TSSK6: variants seen among roughly 807,000 people sequenced by gnomAD.
TSSK6 encodes the protein testis-specific serine/threonine-protein kinase 6.
A neutral mutation model predicts 8.5 loss-of-function variants in TSSK6; 9 were observed. The observed-to-expected ratio is 1.06, with a 90% CI of 0.64 to 1.85. TSSK6 has a LOEUF of 1.85. TSSK6 is among the 40% of genes most tolerant of loss of function. TSSK6 has a pLI of 0.00. For missense variants in TSSK6, 311 were observed against 391.5 expected (o/e 0.79, Z 1.73); for synonymous variants, 202 against 182.4 (o/e 1.11, Z -0.86).
Position 19,514,395 on chromosome 19 carries a change from C to T in TSSK6, c.*211G>A. ...CAGGGAATCGCGGATGCGCATGCGCCTCCAGCTCCCGGGATCGCGGGGAAC... is the reference window on the plus strand; with the variant it reads ...CAGGGAATCGCGGATGCGCATGCGCTTCCAGCTCCCGGGATCGCGGGGAAC... On this transcript the variant is annotated 3_prime_UTR_variant, in exon 1 of 1. Transcript: ENST00000585580. 1 of 594,446 alleles carries T rather than the reference C, an allele frequency of 1.7e-6. No homozygotes were observed. The highest frequency in any genetic ancestry group is 2.9e-6 in the Non-Finnish European group (1 of 342,048). 36.8% of individuals were successfully genotyped at this position (594,446 alleles called of 1,614,324 possible). A position where few individuals can be genotyped will look rare whatever the true frequency, so the allele number is the denominator to read the frequency against.
In TSSK6 at chr19:19,515,426, ATGG is replaced by A; in HGVS notation, c.-2_1del. 1.9e-6 allele frequency: 3 copies of A among 1,584,732 alleles called. No individual in the cohort carries two copies. The highest frequency in any genetic ancestry group is 2.6e-6 in the Non-Finnish European group (3 of 1,161,014). On this transcript the variant is annotated start_lost and start_retained_variant and 5_prime_UTR_variant, in exon 1 of 1. Transcript: ENST00000585580. ...TTCGCTCAGAAGTTTGTCTCCCGAC[ATGG>A]TGGCGCCTAGGGCGCACGGGGGGCA...
chr19:19,514,506 A>C lies in TSSK6; in HGVS notation c.*100T>G. On this transcript the variant is annotated 3_prime_UTR_variant, in exon 1 of 1. Coordinates refer to ENST00000585580, the MANE Select transcript of TSSK6 (RefSeq NM_032037.4). Reference sequence around the variant, plus strand: ...AGGGAAAAAGCGCATGTGCAGCAGCACGCGGCAGCTTCGCATATTCCCTCG... The same window carrying C: ...AGGGAAAAAGCGCATGTGCAGCAGCCCGCGGCAGCTTCGCATATTCCCTCG... 2 of 1,136,798 alleles carry C rather than the reference A, an allele frequency of 1.8e-6. No individual in the cohort carries two copies. Among genetic ancestry groups the C allele is most frequent in the South Asian group, 1.6e-5 (1 of 61,424 alleles). 70.4% of individuals were successfully genotyped at this position (1,136,798 alleles called of 1,614,324 possible).
At position 19,514,277 on chromosome 19, in the gene TSSK6, T is replaced by G. The variant is rs1182380080; in HGVS notation, c.*329A>C. On this transcript the variant is annotated 3_prime_UTR_variant, in exon 1 of 1. Coordinates refer to ENST00000585580, the MANE Select transcript of TSSK6 (RefSeq NM_032037.4). ...CCGGGAACCTGGCACCCACGGCTGG[T>G]TGGGAAGGGACGCCCTCCGCGCAGA... 6 of 317,750 alleles carry G rather than the reference T, an allele frequency of 1.9e-5. No homozygotes were observed. Among genetic ancestry groups the G allele is most frequent in the Non-Finnish European group, 2.9e-5 (5 of 171,828 alleles). The allele number at this position is 317,750 out of a possible 1,614,324, so 19.7% of individuals were successfully genotyped here. A position where few individuals can be genotyped will look rare whatever the true frequency, so the allele number is the denominator to read the frequency against.
chr19:19,515,204 A>G lies in TSSK6; in HGVS notation c.224T>C (p.Val75Ala). ...GTTGCACACCTCGATGAACTCGAAG[A>G]CGTGCACGATGTGCGGGTGTCGCAC... Reference protein sequence around the residue: ...RGVRHPHIVHVFEFIEVCNGK... With the variant: ...RGVRHPHIVHAFEFIEVCNGK... Residue 75 changes from valine (V) to alanine (A), a missense_variant, in exon 1 of 1, where the codon GTC becomes GCC. Val to Ala is a moderately conservative substitution (Grantham distance 64). Coordinates refer to ENST00000585580, the MANE Select transcript of TSSK6 (RefSeq NM_032037.4). 1 of 1,610,868 alleles carries G rather than the reference A, an allele frequency of 6.2e-7. No individual in the cohort carries two copies. Among genetic ancestry groups the G allele is most frequent in the African/African-American group, 1.3e-5 (1 of 75,038 alleles).
rs1416265462 is a variant in TSSK6 at position 19,515,247 on chromosome 19, G to A, written c.181C>T (p.Leu61=). The part of the protein sequence containing the change: ...DFVNKFLPRE[L]SILRGVRHPH... ...TGTCGCACGCCCCGCAGGATGGACAGCTCTCGCGGCAGGAACTTGTTGACG... is the reference window on the plus strand; with the variant it reads ...TGTCGCACGCCCCGCAGGATGGACAACTCTCGCGGCAGGAACTTGTTGACG... Residue 61 remains leucine, a synonymous_variant, in exon 1 of 1, where the codon CTG becomes TTG. Coordinates refer to ENST00000585580, the MANE Select transcript of TSSK6 (RefSeq NM_032037.4). The A allele has an allele frequency of 3.7e-6, 6 of 1,613,198 alleles. No homozygotes were observed. The highest frequency in any genetic ancestry group is 4.5e-5 in the East Asian group (2 of 44,882).
rs2061041220 is a variant in TSSK6, at chr19:19,515,254, C to T, written c.174G>A (p.Pro58=). The T allele has an allele frequency of 1.9e-6, 3 of 1,613,432 alleles. No individual in the cohort carries two copies. The East Asian group carries it at 6.7e-5, about 36-fold the overall frequency. The change falls in exon 1 of 1, where the codon CCG becomes CCA. Residue 58 remains proline, a synonymous_variant. Transcript: ENST00000585580. ...CGCCCCGCAGGATGGACAGCTCTCG[C>T]GGCAGGAACTTGTTGACGAAGTCCG... ...APPDFVNKFL[P]RELSILRGVR...
At position 19,514,536 on chromosome 19, in the gene TSSK6, G is replaced by C; in HGVS notation, c.*70C>G. 3.0e-6 allele frequency: 4 copies of C among 1,349,390 alleles called. No homozygotes were observed. The highest frequency in any genetic ancestry group is 3.9e-6 in the Non-Finnish European group (4 of 1,018,184). 83.6% of individuals were successfully genotyped at this position (1,349,390 alleles called of 1,614,324 possible). A position where few individuals can be genotyped will look rare whatever the true frequency, so the allele number is the denominator to read the frequency against. ...GCAGCTTCGCATATTCCCTCGAAGC[G>C]CGCCTCTTGCGCGTGCGCCGCCCTG... On this transcript the variant is annotated 3_prime_UTR_variant, in exon 1 of 1. Coordinates refer to ENST00000585580, the MANE Select transcript of TSSK6 (RefSeq NM_032037.4).
Position 19,515,095 on chromosome 19 carries a change from C to T in TSSK6, c.333G>A (p.Gln111=), listed in dbSNP as rs768329877. 6.2e-7 allele frequency: 1 copy of T among 1,605,480 alleles called. No individual in the cohort carries two copies. ...VQRNGRIPGV[Q]ARDLFAQIAG... The stretch of plus-strand genomic sequence containing the variant: ...CGATCTGCGCAAAGAGGTCGCGCGC[C>T]TGAACTCCGGGGATGCGCCCGTTGC... The change falls in exon 1 of 1, where the codon CAG becomes CAA. Residue 111 remains glutamine (Q), a synonymous_variant. Transcript: ENST00000585580.
Position 19,514,780 on chromosome 19 carries a change from G to A in TSSK6, c.648C>T (p.Asp216=). 6.2e-7 allele frequency: 1 copy of A among 1,602,088 alleles called. No individual in the cohort carries two copies. Among genetic ancestry groups the A allele is most frequent in the Non-Finnish European group, 8.5e-7 (1 of 1,179,566 alleles). The change falls in exon 1 of 1, where the codon GAC becomes GAT. Residue 216 remains aspartate (D), a synonymous_variant. Transcript: ENST00000585580. ...VTGCMPFDDS[D]IAGLPRRQKR... is the part of the protein sequence containing the mutation. ...TCTGGCGCCGGGGCAGGCCGGCGAT[G>A]TCCGAGTCGTCGAAGGGCATGCACC...
Position 19,514,984 on chromosome 19 carries a change from G to A in TSSK6, c.444C>T (p.Arg148=), listed in dbSNP as rs775064655. ...AGCCGAAGTCGGTGAGCTTGACGCG[G>A]CGCTCGTCCGGGCTCAGCAGCACGT... ...CENVLLSPDE[R]RVKLTDFGFG... Residue 148 remains arginine, a synonymous_variant, in exon 1 of 1, where the codon CGC becomes CGT. Transcript: ENST00000585580. The A allele has an allele frequency of 1.0e-5, 16 of 1,607,462 alleles. No homozygotes were observed. Among genetic ancestry groups the A allele is most frequent in the Non-Finnish European group, 1.4e-5 (16 of 1,176,700 alleles).
rs1237909347 is a variant in TSSK6, at chr19:19,515,101, T to G, written c.327A>C (p.Gly109=). ...QAVQRNGRIP[G]VQARDLFAQI... Reference sequence around the variant, plus strand: ...GCGCAAAGAGGTCGCGCGCCTGAACTCCGGGGATGCGCCCGTTGCGCTGCA... The same window carrying G: ...GCGCAAAGAGGTCGCGCGCCTGAACGCCGGGGATGCGCCCGTTGCGCTGCA... Residue 109 remains glycine (G), a synonymous_variant, in exon 1 of 1, where the codon GGA becomes GGC. Coordinates refer to ENST00000585580, the MANE Select transcript of TSSK6 (RefSeq NM_032037.4). 1.2e-6 allele frequency: 2 copies of G among 1,604,874 alleles called. No homozygotes were observed. Among genetic ancestry groups the G allele is most frequent in the Admixed American group, 1.7e-5 (1 of 59,896 alleles).
rs757667589 is a variant in TSSK6 at position 19,514,939 on chromosome 19, G to A, written c.489C>T (p.Gly163=). The A allele has an allele frequency of 3.1e-6, 5 of 1,602,344 alleles. No individual in the cohort carries two copies. Among genetic ancestry groups the A allele is most frequent in the Admixed American group, 3.4e-5 (2 of 59,550 alleles). ...TDFGFGRQAH[G]YPDLSTTYCG... is the part of the protein sequence containing the mutation. ...AGTAGGTGGTGCTCAGGTCTGGGTA[G>A]CCATGGGCCTGGCGGCCGAAGCCGA... Residue 163 remains glycine, a synonymous_variant, in exon 1 of 1, where the codon GGC becomes GGT. Transcript: ENST00000585580.
At position 19,515,398 on chromosome 19, in the gene TSSK6, GA is replaced by G. The variant is rs2061042133; in HGVS notation, c.29del (p.Leu10ProfsTer17). The G allele has an allele frequency of 1.2e-6, 2 of 1,600,592 alleles. No homozygotes were observed. The highest frequency in any genetic ancestry group is 2.7e-5 in the African/African-American group (2 of 74,782). ...CAATTGTGCGGCCCAGCTTATAACCGAGTTCGCTCAGAAGTTTGTCTCCCGA... is the reference window on the plus strand; with the variant it reads ...CAATTGTGCGGCCCAGCTTATAACCGGTTCGCTCAGAAGTTTGTCTCCCGA... MSGDKLLSE[L>X]GYKLGRTIGE... On this transcript the variant is annotated frameshift_variant, in exon 1 of 1. Coordinates refer to ENST00000585580, the MANE Select transcript of TSSK6 (RefSeq NM_032037.4). LOFTEE classifies it low-confidence loss of function (END_TRUNC).
At position 19,515,357 on chromosome 19, in the gene TSSK6, G is replaced by C; in HGVS notation, c.71C>G (p.Ser24Cys). Residue 24 changes from serine to cysteine, a missense_variant, in exon 1 of 1, where the codon TCC (serine) becomes TGC (cysteine). Transcript: ENST00000585580. ...CTTGGATGTGGCCACCTTCACCTTGGAGTAGCTGCCCTCTCCAATTGTGCG... is the reference window on the plus strand; with the variant it reads ...CTTGGATGTGGCCACCTTCACCTTGCAGTAGCTGCCCTCTCCAATTGTGCG... ...LGRTIGEGSY[S>C]KVKVATSKKY... 1 of 1,613,838 alleles carries C rather than the reference G, an allele frequency of 6.2e-7. No homozygotes were observed. Among genetic ancestry groups the C allele is most frequent in the Non-Finnish European group, 8.5e-7 (1 of 1,179,718 alleles).
At position 19,514,574 on chromosome 19, in the gene TSSK6, T is replaced by C. The variant is rs766444688; in HGVS notation, c.*32A>G. On this transcript the variant is annotated 3_prime_UTR_variant, in exon 1 of 1. Coordinates refer to ENST00000585580, the MANE Select transcript of TSSK6 (RefSeq NM_032037.4). ...GTGCGCCGCCCTGGCCCAGTGCCCT[T>C]GGCTGCAGGAATGGCTGGAACCACC... is the stretch of plus-strand genomic sequence containing the variant. The C allele has an allele frequency of 1.3e-6, 2 of 1,511,540 alleles. No individual in the cohort carries two copies. The highest frequency in any genetic ancestry group is 2.8e-5 in the African/African-American group (2 of 72,380). 93.6% of individuals were successfully genotyped at this position (1,511,540 alleles called of 1,614,324 possible).
rs2144630818 is a variant in TSSK6 at position 19,514,324 on chromosome 19, G to A, written c.*282C>T. 1 of 472,322 alleles carries A rather than the reference G, an allele frequency of 2.1e-6. No individual in the cohort carries two copies. The highest frequency in any genetic ancestry group is 3.8e-6 in the Non-Finnish European group (1 of 264,334). The allele number at this position is 472,322 out of a possible 1,614,324, so 29.3% of individuals were successfully genotyped here. On this transcript the variant is annotated 3_prime_UTR_variant, in exon 1 of 1. Transcript: ENST00000585580. The stretch of plus-strand genomic sequence containing the variant: ...CAGAGGCTGAGAGTTCCGCGCAGGC[G>A]CAATGCTTCCGTCCCCTCTGGTCTC...
Position 19,515,180 on chromosome 19 carries a change from T to C in TSSK6, c.248A>G (p.Asn83Ser). The change falls in exon 1 of 1, where the codon AAC (asparagine) becomes AGC (serine). Residue 83 changes from asparagine to serine, a missense_variant. Coordinates refer to ENST00000585580, the MANE Select transcript of TSSK6 (RefSeq NM_032037.4). ...VHVFEFIEVC[N>S]GKLYIVMEAA... Reference sequence around the variant, plus strand: ...TTCCATCACGATGTACAGTTTCCCGTTGCACACCTCGATGAACTCGAAGAC... The same window carrying C: ...TTCCATCACGATGTACAGTTTCCCGCTGCACACCTCGATGAACTCGAAGAC... The C allele has an allele frequency of 1.2e-6, 2 of 1,608,692 alleles. No individual in the cohort carries two copies. Among genetic ancestry groups the C allele is most frequent in the Non-Finnish European group, 1.7e-6 (2 of 1,179,920 alleles).
Position 19,514,620 on chromosome 19 carries a change from C to T in TSSK6, c.808G>A (p.Gly270Arg). ...CCACCCGGCTTCTAGCCGGAGTCCC[C>T]GGCGCGCAGCCAGCAGTTGCGCGCT... Reference protein sequence around the residue: ...QVARNCWLRAGDSG With the variant: ...QVARNCWLRARDSG Residue 270 changes from glycine (G) to arginine (R), a missense_variant, in exon 1 of 1, where the codon GGG becomes AGG. Transcript: ENST00000585580. The T allele has an allele frequency of 6.3e-7, 1 of 1,584,896 alleles. No individual in the cohort carries two copies. Among genetic ancestry groups the T allele is most frequent in the Non-Finnish European group, 8.5e-7 (1 of 1,171,120 alleles).
Position 19,514,832 on chromosome 19 carries a change from C to A in TSSK6, c.596G>T (p.Gly199Val). The change falls in exon 1 of 1, where the codon GGC becomes GTC. Residue 199 changes from glycine to valine, a missense_variant. Transcript: ENST00000585580. ...GGTGACCATGACGTAGAGCACGACG[C>A]CCATGCTCCACACATCGTACTTCTT... is the stretch of plus-strand genomic sequence containing the variant. ...DPKKYDVWSMGVVLYVMVTGC... is the reference protein window; with the variant it reads ...DPKKYDVWSMVVVLYVMVTGC... 1.3e-6 allele frequency: 2 copies of A among 1,599,686 alleles called. No homozygotes were observed. The highest frequency in any genetic ancestry group is 1.7e-5 in the Admixed American group (1 of 59,964).
Sources: allele counts gnomAD v4.1 joint callset, GRCh38; gene constraint gnomAD v4.1.1; transcripts MANE v1.5; gene names NCBI Gene and HGNC (gene_info 2026-07-23, HGNC 2026-07-21).